PRPS2: variants seen among roughly 807,000 people sequenced by gnomAD.
PRPS2 encodes the protein phosphoribosyl pyrophosphate synthetase 2.
For synonymous variants in PRPS2, 111 were observed against 115.3 expected (o/e 0.96, Z 0.24); for missense variants, 104 against 271.5 (o/e 0.38, Z 4.34).
intron 5 of PRPS2, 66 bp from the exon 6 acceptor site, chrX:12,820,578 A>C (rs1372817666): frequency 4.6e-6 from 5 of 1,081,662 alleles, no homozygotes; most frequent in Non-Finnish European, 6.2e-6. Context: ...TTTACCATTC[A>C]TACTAGGGGA....
chrX:12,812,713 C>T (rs2042630264), intron 4 of PRPS2, among the ~76,000 whole-genome samples: 1 of 112,259 alleles, frequency 8.9e-6, no homozygotes, highest in African/African-American at 3.2e-5. Flanking sequence ...TTTGCATATT[C>T]AGAGATTTGT....
chrX:12,817,615 G>A (rs2042654933), intron 4 of PRPS2, among the ~76,000 whole-genome samples: 2 of 111,205 alleles, frequency 1.8e-5, no homozygotes, highest in Admixed American at 1.9e-4. Context: ...TGTTCATAGC[G>A]GCAGTATTCA....
intron 1 of PRPS2, among the ~76,000 whole-genome samples, chrX:12,792,116 C>T (rs1436853417): frequency 8.9e-6 from 1 of 112,989 alleles, no homozygotes; most frequent in Non-Finnish European, 1.9e-5. Context: ...CCCCCGTCCC[C>T]AACTCTGGTT....
chrX:12,822,097 G>A (rs1361693640), intron 6 of PRPS2, among the ~76,000 whole-genome samples: 1 of 112,320 alleles, frequency 8.9e-6, no homozygotes, highest in Non-Finnish European at 1.9e-5. Context: ...AGTTTAGGAT[G>A]GGAGTTGGCA....
At chrX:12,793,773 A>G (rs7050147) in intron 1 of PRPS2, among the ~76,000 whole-genome samples, 3,101 of 112,405 alleles carry the variant, frequency 0.028, 108 homozygotes, top group African/African-American at 0.094. Flanking sequence ...AGGATCAGAA[A>G]TCTGGTTTGC....
At chrX:12,800,424 G>GT (rs2042563608) in intron 2 of PRPS2, among the ~76,000 whole-genome samples, 2 of 111,471 alleles carry the variant, frequency 1.8e-5, no homozygotes, top group Non-Finnish European at 3.8e-5. Flanking sequence ...CTTTACCTTG[G>GT]TTATATTTGC....
intron 6 of PRPS2, among the ~76,000 whole-genome samples, chrX:12,822,383 G>A (rs754480910): frequency 3.6e-5 from 4 of 112,089 alleles, no homozygotes; most frequent in East Asian, 5.6e-4. Flanking sequence ...AAAACCTTCC[G>A]TATAATGATT....
chrX:12,803,451 C>CTAA (rs895613719), intron 2 of PRPS2, among the ~76,000 whole-genome samples: 12 of 112,389 alleles, frequency 1.1e-4, no homozygotes, highest in African/African-American at 3.6e-4. Flanking sequence ...CCACGCCTGG[C>CTAA]TAATATTTTT....
intron 1 of PRPS2, among the ~76,000 whole-genome samples, chrX:12,797,207 A>T (rs2042548743): frequency 9.1e-6 from 1 of 109,585 alleles, no homozygotes; most frequent in Admixed American, 9.7e-5. Flanking sequence ...AAATACAACA[A>T]ATTAGCCAGG....
rs954848020 is a variant in PRPS2 at position 12,810,188 on chromosome X, A to C, written c.530+42A>C. 3.3e-6 allele frequency: 4 copies of C among 1,200,061 alleles called. No homozygotes were observed. In the African/African-American group the frequency reaches 7.0e-5, roughly 21 times the overall value. On this transcript the variant is annotated intron_variant, in intron 4 of 6. Coordinates refer to ENST00000380668, the MANE Select transcript of PRPS2 (RefSeq NM_002765.5). ...ACCTTGCAGATTTCTCCATCTGCTG[A>C]TTGGTTTTTCCTTTTCCGATGTATT...
At chrX:12,820,522 G>T in intron 5 of PRPS2, 122 bp from the exon 6 acceptor site, 1 of 697,244 alleles carries the variant, frequency 1.4e-6, no homozygotes. Flanking sequence ...TAATAAATGT[G>T]AGTGAAATTT....
chrX:12,806,396 CT>C (rs1331215417), intron 2 of PRPS2, among the ~76,000 whole-genome samples: 2 of 112,168 alleles, frequency 1.8e-5, no homozygotes, highest in East Asian at 5.6e-4. Context: ...ATTGGGCTGA[CT>C]TGCAAAACAT....
intron 4 of PRPS2, 119 bp downstream of exon 4, chrX:12,810,265 AAGT>A: frequency 1.1e-6 from 1 of 942,806 alleles, no homozygotes. Context: ...GCTAATGAGC[AAGT>A]AAGTAGACCG....
chrX:12,805,884 C>G (rs2042591368), intron 2 of PRPS2, among the ~76,000 whole-genome samples: 1 of 111,674 alleles, frequency 9.0e-6, no homozygotes, highest in Admixed American at 9.5e-5. Context: ...AAGAGCCTGG[C>G]CAACATGGTG....
chrX:12,800,780 C>G (rs921953766), intron 2 of PRPS2, among the ~76,000 whole-genome samples: 2 of 111,588 alleles, frequency 1.8e-5, no homozygotes, highest in African/African-American at 6.5e-5. Flanking sequence ...ATACCAAAGT[C>G]CCCCTGAATT....
At chrX:12,820,993 C>T (rs1163639986) in intron 6 of PRPS2, among the ~76,000 whole-genome samples, 190 bp downstream of exon 6, 4 of 111,967 alleles carry the variant, frequency 3.6e-5, no homozygotes, top group African/African-American at 1.3e-4. Context: ...CAGAGGTCAA[C>T]GTTCGCTATT....
chrX:12,808,749 T>C (rs766631308), intron 2 of PRPS2, among the ~76,000 whole-genome samples: 1 of 112,082 alleles, frequency 8.9e-6, no homozygotes, highest in South Asian at 3.7e-4. Context: ...TGAGGGTCTC[T>C]TGACCTCAGT....
chrX:12,810,155 C>G lies in PRPS2; in HGVS notation c.530+9C>G. On this transcript the variant is annotated intron_variant, in intron 4 of 6. Coordinates refer to ENST00000380668, the MANE Select transcript of PRPS2 (RefSeq NM_002765.5). ...GCAGGGGGAGCCAAAAGGTATCATG[C>G]AGGCTACACCTTGCAGATTTCTCCA... The G allele has an allele frequency of 8.3e-7, 1 of 1,208,342 alleles. No homozygotes were observed. Among genetic ancestry groups the G allele is most frequent in the African/African-American group, 1.7e-5 (1 of 57,787 alleles).
chrX:12,816,749 T>C (rs940297714), intron 4 of PRPS2, among the ~76,000 whole-genome samples: 3 of 111,908 alleles, frequency 2.7e-5, no homozygotes, highest in African/African-American at 9.8e-5. Flanking sequence ...CACATCTCAA[T>C]GTATCTGTGG....
Sources: allele counts gnomAD v4.1 joint callset (sites outside exome capture counted in the v4.1 genomes callset), GRCh38; gene constraint gnomAD v4.1.1; transcripts MANE v1.5; gene names NCBI Gene and HGNC (gene_info 2026-07-23, HGNC 2026-07-21).